Variants in PDGFD observed in about 807,000 individuals in gnomAD.
PDGFD encodes platelet derived growth factor D.
Under a neutral mutation model 44.7 loss-of-function variants are expected in PDGFD, and 30 were observed. The observed-to-expected ratio is 0.67, with a 90% CI of 0.50 to 0.91. The LOEUF is 0.91. Ranked by LOEUF, PDGFD falls within the 40% of genes least tolerant of loss-of-function variation. The probability of loss-of-function intolerance (pLI) is 0.00; values close to 1 mark genes in which losing one functional copy is unlikely to be tolerated. For synonymous variants in PDGFD, 173 were observed against 168.4 expected, an observed-to-expected ratio of 1.03 and a Z score of -0.21; for missense variants, 445 against 457.8, an observed-to-expected ratio of 0.97 and a Z score of 0.25.
At chr11:104,117,704 C>T (rs1178803865) in intron 1 of PDGFD, among the ~76,000 whole-genome samples, 1 of 151,856 alleles carries the variant, frequency 6.6e-6, no homozygotes, top group African/African-American at 2.4e-5. Context: ...ACAAGGAAAA[C>T]CACAAAACAC....
chr11:103,943,245 G>A (rs966244613), intron 5 of PDGFD, among the ~76,000 whole-genome samples: 6 of 152,102 alleles, frequency 3.9e-5, no homozygotes, highest in African/African-American at 1.4e-4. Context: ...GATTCTCAAA[G>A]GGAATGCTCA....
At chr11:103,926,020 C>T (rs1241733333) in intron 6 of PDGFD, among the ~76,000 whole-genome samples, 4 of 151,992 alleles carry the variant, frequency 2.6e-5, no homozygotes, top group Non-Finnish European at 4.4e-5. Context: ...TGAGCCACTG[C>T]GCCCGGCCTA....
Position 104,153,278 on chromosome 11 carries a change from T to A in PDGFD, c.124+10526A>T, listed in dbSNP as rs1862267968. Reference sequence around the variant, plus strand: ...GCTCATGTGGCCTAAAGATCTGTCATTAAAAAGGACACTCACTGGATGATT... The same window carrying A: ...GCTCATGTGGCCTAAAGATCTGTCAATAAAAAGGACACTCACTGGATGATT... On this transcript the variant is annotated intron_variant, in intron 1 of 6. Transcript: ENST00000393158. Among the ~76,000 whole-genome samples the A allele has an allele frequency of 1.3e-5, 2 of 152,160 alleles. 1 individual carries two copies. Among genetic ancestry groups the A allele is most frequent in the South Asian group, 4.1e-4 (2 of 4,830 alleles).
At chr11:103,941,930 G>A (rs1260195446) in intron 5 of PDGFD, among the ~76,000 whole-genome samples, 4 of 152,168 alleles carry the variant, frequency 2.6e-5, no homozygotes, top group South Asian at 2.1e-4. Flanking sequence ...ACACAGCAAT[G>A]TCTTACAGAA....
At chr11:104,009,428 G>GTATTATTATTAT (rs1316090807) in intron 1 of PDGFD, among the ~76,000 whole-genome samples, 2 of 120,132 alleles carry the variant, frequency 1.7e-5, no homozygotes, top group South Asian at 2.6e-4. Context: ...TCTTGCAAAT[G>GTATTATTATTAT]CATTATTATT....
intron 1 of PDGFD, among the ~76,000 whole-genome samples, chr11:104,096,469 A>G (rs1372959287): frequency 6.6e-6 from 1 of 152,234 alleles, no homozygotes. Context: ...AAGACAACGA[A>G]CAAATTAGAA....
chr11:103,989,878 C>T lies in PDGFD; in HGVS notation c.510+6187G>A, dbSNP rs144363110. Among the ~76,000 whole-genome samples the T allele has an allele frequency of 6.6e-4, 100 of 151,674 alleles. 1 individual carries two copies. The East Asian group carries it at 0.019, about 28-fold the overall frequency. On this transcript the variant is annotated intron_variant, in intron 3 of 6. Transcript: ENST00000393158. ...ATGATAAAACATACAAGTTTCCTTC[C>T]CCATAGAAATTATAATTTGGTAGGA... is the stretch of plus-strand genomic sequence containing the variant.
At chr11:104,046,804 C>A (rs1369292503) in intron 1 of PDGFD, among the ~76,000 whole-genome samples, 1 of 146,678 alleles carries the variant, frequency 6.8e-6, no homozygotes, top group Non-Finnish European at 1.5e-5. Flanking sequence ...AGGTTTGTTA[C>A]ACAGGTATAC....
At chr11:103,971,698 T>G (rs1299224405) in intron 3 of PDGFD, among the ~76,000 whole-genome samples, 1 of 152,210 alleles carries the variant, frequency 6.6e-6, no homozygotes, top group Non-Finnish European at 1.5e-5. Flanking sequence ...CCTAGGACAT[T>G]ATGTTGTTTA....
chr11:103,917,718 T>TGGACCTGGGACCA, intron 6 of PDGFD, among the ~76,000 whole-genome samples: 1 of 152,308 alleles, frequency 6.6e-6, no homozygotes, highest in Non-Finnish European at 1.5e-5. Context: ...TCCCCTGACT[T>TGGACCTGGGACCA]GGACCTGGGA....
intron 1 of PDGFD, among the ~76,000 whole-genome samples, chr11:104,109,760 T>G (rs953877224): frequency 1.3e-5 from 2 of 152,154 alleles, no homozygotes; most frequent in Admixed American, 1.3e-4. Flanking sequence ...CTATCTAAGA[T>G]ACATCATTAA....
intron 1 of PDGFD, among the ~76,000 whole-genome samples, chr11:104,104,634 T>C (rs1284750479): frequency 6.6e-6 from 1 of 152,152 alleles, no homozygotes; most frequent in African/African-American, 2.4e-5. Flanking sequence ...AGCTTAGGCA[T>C]GTAGTAGGCT....
chr11:104,161,787 T>C (rs1306901359), intron 1 of PDGFD, among the ~76,000 whole-genome samples: 1 of 152,192 alleles, frequency 6.6e-6, no homozygotes, highest in Non-Finnish European at 1.5e-5. Context: ...AAAGCTGCCA[T>C]TTGAAAATTT....
At position 103,966,401 on chromosome 11, in the gene PDGFD, A is replaced by C. The variant is rs1859020644; in HGVS notation, c.511-18677T>G. On this transcript the variant is annotated intron_variant, in intron 3 of 6. Transcript: ENST00000393158. Reference sequence around the variant, plus strand: ...GCATATATTAGATTTCATCAAGATAAATAAAAGAAAAACATCCCCAATAGT... The same window carrying C: ...GCATATATTAGATTTCATCAAGATACATAAAAGAAAAACATCCCCAATAGT... 1.3e-5 allele frequency among the ~76,000 whole-genome samples: 2 copies of C among 152,198 alleles called. 1 individual carries two copies. The highest frequency in any genetic ancestry group is 4.1e-4 in the South Asian group (2 of 4,824).
At chr11:104,079,643 T>C (rs988479757) in intron 1 of PDGFD, among the ~76,000 whole-genome samples, 1 of 152,166 alleles carries the variant, frequency 6.6e-6, no homozygotes, top group African/African-American at 2.4e-5. Flanking sequence ...TGCCTCAGCC[T>C]CCCAAAGTGC....
At chr11:104,084,787 A>ATATAAAATATATATTTTATCAGTAT (rs1861100420) in intron 1 of PDGFD, among the ~76,000 whole-genome samples, 1 of 133,108 alleles carries the variant, frequency 7.5e-6, no homozygotes, top group African/African-American at 3.0e-5. Flanking sequence ...ACATAAAATA[A>ATATAAAATATATATTTTATCAGTAT]TATAAAATAT....
intron 6 of PDGFD, among the ~76,000 whole-genome samples, chr11:103,913,273 CA>C (rs1027924436): frequency 2.0e-5 from 3 of 152,072 alleles, no homozygotes; most frequent in African/African-American, 7.2e-5. Flanking sequence ...TCAGCAAATG[CA>C]AAAGAACAGA....
intron 1 of PDGFD, among the ~76,000 whole-genome samples, chr11:104,115,588 T>C (rs1414544355): frequency 6.6e-6 from 1 of 151,998 alleles, no homozygotes; most frequent in Non-Finnish European, 1.5e-5. Context: ...GTAGTTCTAC[T>C]TTTAGTTCTT....
At chr11:104,087,638 T>C (rs1861151840) in intron 1 of PDGFD, among the ~76,000 whole-genome samples, 1 of 152,200 alleles carries the variant, frequency 6.6e-6, no homozygotes. Context: ...CAGATTACTG[T>C]TTGCAAGCCA....
Sources: gnomAD v4.1 joint callset for allele counts (sites outside exome capture counted in the v4.1 genomes callset) on GRCh38, gnomAD v4.1.1 for gene constraint, MANE v1.5 for transcripts, NCBI Gene and HGNC (gene_info 2026-07-23, HGNC 2026-07-21) for gene names.